Variants in RBPMS observed in about 807,000 individuals in gnomAD.
RBPMS encodes the protein RNA-binding protein with multiple splicing.
Under a neutral mutation model 26.8 loss-of-function variants are expected in RBPMS, and 7 were observed. That is an observed-to-expected ratio of 0.26 (90% confidence interval 0.15 to 0.49). The LOEUF is 0.49. RBPMS is among the 20% of genes least tolerant of loss of function. The probability of loss-of-function intolerance (pLI) is 0.98; values close to 1 mark genes in which losing one functional copy is unlikely to be tolerated. For missense variants in RBPMS, 186 were observed against 250.0 expected, an observed-to-expected ratio of 0.74 and a Z score of 1.73; for synonymous variants, 96 against 93.3, an observed-to-expected ratio of 1.03 and a Z score of -0.17.
intron 1 of RBPMS, among the ~76,000 whole-genome samples, chr8:30,414,587 G>A (rs1271595021): frequency 3.9e-5 from 6 of 152,154 alleles, no homozygotes; most frequent in African/African-American, 9.7e-5. Flanking sequence ...GTACTAATCC[G>A]TCACCAGACC....
intron 5 of RBPMS, among the ~76,000 whole-genome samples, chr8:30,510,019 T>C (rs1339086099): frequency 6.6e-6 from 1 of 152,246 alleles, no homozygotes; most frequent in Non-Finnish European, 1.5e-5. Flanking sequence ...TGAAATCATT[T>C]AACTTACCCC....
At chr8:30,497,987 G>T (rs1325949261) in intron 4 of RBPMS, among the ~76,000 whole-genome samples, 2 of 151,276 alleles carry the variant, frequency 1.3e-5, no homozygotes, top group Non-Finnish European at 2.9e-5. Flanking sequence ...TTTTCATTTG[G>T]AGTTGGCCGT....
At chr8:30,477,734 T>G in intron 2 of RBPMS, 65 bp from the exon 3 acceptor site, 3 of 1,150,400 alleles carry the variant, frequency 2.6e-6, no homozygotes, top group Non-Finnish European at 3.9e-6. Flanking sequence ...GAACTTATTT[T>G]TACATGAACA....
At chr8:30,445,423 T>C (rs1813614256) in intron 1 of RBPMS, 2 of 152,128 alleles carry the variant, frequency 1.3e-5, no homozygotes, top group South Asian at 4.1e-4. Flanking sequence ...GCTATTTAGA[T>C]AATTCAAAAG....
intron 5 of RBPMS, among the ~76,000 whole-genome samples, chr8:30,511,752 A>G (rs964674065): frequency 6.6e-6 from 1 of 151,428 alleles, no homozygotes; most frequent in Non-Finnish European, 1.5e-5. Flanking sequence ...TGAACCCGGG[A>G]GGCCGAGGTT....
At chr8:30,547,299 C>G in intron 6 of RBPMS, 1 of 1,601,374 alleles carries the variant, frequency 6.2e-7, no homozygotes, top group Admixed American at 1.7e-5. Context: ...TAGTGTTTCT[C>G]TCCTGAGGCA....
chr8:30,489,893 C>T (rs1011043709), intron 4 of RBPMS, among the ~76,000 whole-genome samples: 1 of 152,086 alleles, frequency 6.6e-6, no homozygotes, highest in Non-Finnish European at 1.5e-5. Flanking sequence ...TCACTGCAAC[C>T]TCTGCCTCCC....
intron 1 of RBPMS, among the ~76,000 whole-genome samples, chr8:30,441,021 A>T (rs536838741): frequency 7.3e-6 from 1 of 137,164 alleles, no homozygotes; most frequent in Admixed American, 6.8e-5. Flanking sequence ...TTTTGTAGAG[A>T]CAGTGTCTTG....
chr8:30,549,771 C>CTTTT (rs1223358739), intron 6 of RBPMS, among the ~76,000 whole-genome samples: 1 of 46,404 alleles, frequency 2.2e-5, no homozygotes, highest in Non-Finnish European at 4.1e-5. Flanking sequence ...CTTTTCTTTT[C>CTTTT]TTCTCTCTCT....
At chr8:30,497,101 C>G (rs1820043308) in intron 4 of RBPMS, among the ~76,000 whole-genome samples, 1 of 152,204 alleles carries the variant, frequency 6.6e-6, no homozygotes, top group South Asian at 2.1e-4. Flanking sequence ...ACATGGCTAT[C>G]AATTTTAAGA....
At chr8:30,472,340 TG>T (rs1817213120) in intron 1 of RBPMS, among the ~76,000 whole-genome samples, 1 of 152,190 alleles carries the variant, frequency 6.6e-6, no homozygotes, top group African/African-American at 2.4e-5. Flanking sequence ...CCTCTGTATA[TG>T]TAAGTGTTTG....
At chr8:30,562,328 A>G (rs796886537) in intron 7 of RBPMS, among the ~76,000 whole-genome samples, 304 of 52,542 alleles carry the variant, frequency 5.8e-3, no homozygotes, top group African/African-American at 0.015. Flanking sequence ...AAGACTGTCG[A>G]AAAAAAAAAA....
Position 30,544,524 on chromosome 8 carries a change from G to C in RBPMS, c.428G>C (p.Ser143Thr). The C allele has an allele frequency of 1.9e-6, 3 of 1,614,140 alleles. No homozygotes were observed. The highest frequency in any genetic ancestry group is 2.5e-6 in the Non-Finnish European group (3 of 1,180,034). ...YELTVPALYP[S>T]SPEVWAPYPL... ...CTCACAGTGCCTGCACTTTACCCCA[G>C]TAGCCCTGAAGTGTGGGCCCCGTAC... The change falls in exon 6 of 9, where the codon AGT becomes ACT. Residue 143 changes from serine (S) to threonine (T), a missense_variant. Around this residue, in one of 3 missense-constraint regions of RBPMS, gnomAD observed 98 missense variants for 113.6 expected, o/e 0.86. Coordinates refer to ENST00000397323, the MANE Select transcript of RBPMS (RefSeq NM_001008710.3).
intron 5 of RBPMS, among the ~76,000 whole-genome samples, chr8:30,541,688 T>C (rs1476004405): frequency 6.6e-6 from 1 of 152,102 alleles, no homozygotes; most frequent in Non-Finnish European, 1.5e-5. Context: ...GCAGCAATCT[T>C]TGTCTTCTTT....
intron 1 of RBPMS, among the ~76,000 whole-genome samples, chr8:30,427,313 G>T (rs1002409782): frequency 1.3e-5 from 2 of 152,192 alleles, no homozygotes; most frequent in African/African-American, 4.8e-5. Flanking sequence ...TTAGCCAAAT[G>T]GGCATTGATG....
chr8:30,408,732 A>T (rs1808939985), intron 1 of RBPMS, among the ~76,000 whole-genome samples: 2 of 152,226 alleles, frequency 1.3e-5, no homozygotes, highest in South Asian at 2.1e-4. Flanking sequence ...AATTCGAGTT[A>T]AAAAGTGTAT....
intron 4 of RBPMS, among the ~76,000 whole-genome samples, chr8:30,485,556 C>T (rs777333650): frequency 6.6e-6 from 1 of 152,166 alleles, no homozygotes; most frequent in Non-Finnish European, 1.5e-5. Context: ...TTTAAGGCAG[C>T]CATTTGACGT....
chr8:30,531,140 T>TA (rs201529137), intron 5 of RBPMS, among the ~76,000 whole-genome samples: 1,721 of 149,378 alleles, frequency 0.012, 19 homozygotes, highest in African/African-American at 0.03. Context: ...GTCCCCTAAT[T>TA]AAAAAAAAAA....
intron 1 of RBPMS, among the ~76,000 whole-genome samples, chr8:30,411,139 A>G (rs1474179209): frequency 6.6e-6 from 1 of 152,194 alleles, no homozygotes; most frequent in South Asian, 2.1e-4. Flanking sequence ...ACAGTTGCTG[A>G]GTTTATTCAT....
Sources: gnomAD v4.1 joint callset for allele counts (sites outside exome capture counted in the v4.1 genomes callset) on GRCh38, gnomAD v4.1.1 for gene constraint, gnomAD v4.1.1 regional missense constraint, MANE v1.5 for transcripts, NCBI Gene and HGNC (gene_info 2026-07-23, HGNC 2026-07-21) for gene names.